Variants in DCDC1 observed in about 807,000 individuals in gnomAD.
DCDC1 encodes doublecortin domain containing 1.
A neutral mutation model predicts 178.3 loss-of-function variants in DCDC1; 200 were observed. That is an observed-to-expected ratio of 1.12 (90% CI 1.00 to 1.26). The LOEUF (loss-of-function observed/expected upper bound fraction) is 1.26. Ranked by LOEUF, DCDC1 falls within the 50% of genes most tolerant of loss-of-function variation. DCDC1 has a pLI of 0.00. For synonymous variants in DCDC1, 690 were observed against 604.8 expected, an observed-to-expected ratio of 1.14 and a Z score of -2.07; for missense variants, 1,983 against 1,749.2, an observed-to-expected ratio of 1.13 and a Z score of -2.38.
chr11:31,048,649 C>T (rs1017139945), intron 20 of DCDC1, among the ~76,000 whole-genome samples: 11 of 151,990 alleles, frequency 7.2e-5, no homozygotes, highest in Admixed American at 5.2e-4. Context: ...GTCAGGAGAT[C>T]GAGACCATCC....
intron 9 of DCDC1, among the ~76,000 whole-genome samples, chr11:31,196,155 T>TC (rs562566120): frequency 7.2e-5 from 11 of 152,048 alleles, no homozygotes; most frequent in African/African-American, 2.7e-4. Context: ...CCCATCTTAT[T>TC]CCATTCACCC....
intron 7 of DCDC1, among the ~76,000 whole-genome samples, chr11:31,283,083 T>C (rs975764469): frequency 1.3e-5 from 2 of 152,188 alleles, no homozygotes; most frequent in Admixed American, 6.5e-5. Context: ...CAGAGGTGCA[T>C]TGAGCTTCTT....
At chr11:31,084,108 G>T (rs965409523) in intron 17 of DCDC1, among the ~76,000 whole-genome samples, 1 of 151,988 alleles carries the variant, frequency 6.6e-6, no homozygotes, top group Non-Finnish European at 1.5e-5. Flanking sequence ...AAATACACAC[G>T]AGCACTTGCT....
At chr11:31,074,054 A>G (rs1956722881) in intron 18 of DCDC1, among the ~76,000 whole-genome samples, 1 of 152,174 alleles carries the variant, frequency 6.6e-6, no homozygotes, top group Non-Finnish European at 1.5e-5. Context: ...ATAAACAATT[A>G]GTAACAGGGG....
intron 20 of DCDC1, among the ~76,000 whole-genome samples, chr11:31,013,998 C>T (rs983347452): frequency 6.6e-6 from 1 of 152,184 alleles, no homozygotes; most frequent in Non-Finnish European, 1.5e-5. Context: ...CATTTCCAAC[C>T]TTGTCTAGTT....
chr11:31,104,770 G>A (rs189383269), intron 13 of DCDC1, among the ~76,000 whole-genome samples: 5 of 152,150 alleles, frequency 3.3e-5, no homozygotes, highest in African/African-American at 1.2e-4. Context: ...CTTTCAAGCC[G>A]TTCAAGAGGG....
chr11:31,168,497 C>T (rs1027765499), intron 9 of DCDC1, among the ~76,000 whole-genome samples: 2 of 152,170 alleles, frequency 1.3e-5, no homozygotes, highest in African/African-American at 4.8e-5. Flanking sequence ...CTGCCCTTAG[C>T]ATAATGCTTG....
intron 20 of DCDC1, among the ~76,000 whole-genome samples, chr11:31,039,101 T>A (rs1411626345): frequency 6.6e-6 from 1 of 152,154 alleles, no homozygotes. Context: ...AATATAAATA[T>A]GATAAAAATT....
intron 3 of DCDC1, chr11:31,314,345 A>G (rs1286331586): frequency 6.6e-6 from 1 of 152,184 alleles, no homozygotes; most frequent in African/African-American, 2.4e-5. Context: ...TATCTAACCT[A>G]CCTACCTACC....
chr11:31,306,930 C>T (rs114646186), intron 4 of DCDC1, among the ~76,000 whole-genome samples: 118 of 152,080 alleles, frequency 7.8e-4, no homozygotes, highest in African/African-American at 2.6e-3. Context: ...GAAGTGGTAA[C>T]GGTGAAGATT....
In DCDC1 at chr11:31,145,207, A is replaced by T. The variant is rs751853144; in HGVS notation, c.1222-7423T>A. 5.5e-4 allele frequency among the ~76,000 whole-genome samples: 83 copies of T among 152,178 alleles called. 1 individual carries two copies. The highest frequency in any genetic ancestry group is 1.3e-3 in the Admixed American group (20 of 15,274). On this transcript the variant is annotated intron_variant, in intron 9 of 38. Transcript: ENST00000684477. ...TTTTTTGGATTTTAGAAAAGTAATG[A>T]AGTACATATCTGTATGCATATGGTG...
chr11:30,923,430 T>C (rs1262223454), intron 23 of DCDC1, among the ~76,000 whole-genome samples: 3 of 149,048 alleles, frequency 2.0e-5, no homozygotes, highest in Middle Eastern at 3.5e-3. Context: ...TTATATGTAT[T>C]TCTTAAATGT....
intron 23 of DCDC1, among the ~76,000 whole-genome samples, chr11:30,924,520 G>C (rs1266907091): frequency 6.6e-6 from 1 of 152,058 alleles, no homozygotes; most frequent in Non-Finnish European, 1.5e-5. Flanking sequence ...GGAAGGCTGG[G>C]CTGCTAAAGT....
At chr11:31,333,839 T>C (rs1950131245) in intron 2 of DCDC1, among the ~76,000 whole-genome samples, 1 of 152,176 alleles carries the variant, frequency 6.6e-6, no homozygotes, top group African/African-American at 2.4e-5. Flanking sequence ...CCTTAGTGAA[T>C]CTGACAATTA....
In DCDC1 at chr11:31,199,816, A is replaced by T. The variant is rs544044124; in HGVS notation, c.1221+41634T>A. Among the ~76,000 whole-genome samples the T allele has an allele frequency of 8.5e-5, 13 of 152,280 alleles. No homozygotes were observed. The South Asian group carries it at 2.7e-3, about 32-fold the overall frequency. ...GTTTTGGTTTTTTAATGCTAGTCCA[A>T]AACAGGATTGAAAATTAAATTTTGT... On this transcript the variant is annotated intron_variant, in intron 9 of 38. Coordinates refer to ENST00000684477, the MANE Select transcript of DCDC1 (RefSeq NM_001387274.1).
At chr11:30,922,692 T>C in intron 23 of DCDC1, 54 bp from the exon 24 acceptor site, 1 of 1,422,350 alleles carries the variant, frequency 7.0e-7, no homozygotes, top group South Asian at 1.6e-5. Flanking sequence ...CAGCATTATC[T>C]GTAATAATCT....
At chr11:31,139,935 T>TA (rs759240436) in intron 9 of DCDC1, among the ~76,000 whole-genome samples, 7 of 152,212 alleles carry the variant, frequency 4.6e-5, no homozygotes, top group Non-Finnish European at 8.8e-5. Flanking sequence ...GATACACACA[T>TA]GGGTCCTTTT....
chr11:31,091,847 G>A (rs778935866), intron 16 of DCDC1, among the ~76,000 whole-genome samples: 3 of 151,932 alleles, frequency 2.0e-5, no homozygotes, highest in Admixed American at 6.6e-5. Context: ...AGAGCTTACC[G>A]GAAATATGTA....
intron 11 of DCDC1, among the ~76,000 whole-genome samples, chr11:31,110,974 T>C (rs1959162867): frequency 1.2e-5 from 1 of 81,252 alleles, no homozygotes; most frequent in Non-Finnish European, 2.5e-5. Context: ...TAACACTCGC[T>C]GGGGAAAAAA....
Sources: gnomAD v4.1 joint callset for allele counts (sites outside exome capture counted in the v4.1 genomes callset) on GRCh38, gnomAD v4.1.1 for gene constraint, MANE v1.5 for transcripts, NCBI Gene and HGNC (gene_info 2026-07-23, HGNC 2026-07-21) for gene names.